Variants in AGBL1 observed in about 807,000 individuals in gnomAD.
AGBL1 encodes AGBL carboxypeptidase 1, also known as cytosolic carboxypeptidase 4.
In AGBL1, 130 loss-of-function variants were observed where a neutral mutation model predicts 118.9. The observed-to-expected ratio is 1.09, with a 90% CI of 0.95 to 1.26. AGBL1 has a LOEUF of 1.26. Among genes scored for constraint, AGBL1 ranks in the 50% most tolerant of loss-of-function variants. The pLI, the probability that AGBL1 is intolerant of heterozygous loss-of-function variation, is 0.00. For synonymous variants in AGBL1, 555 were observed against 478.9 expected, an observed-to-expected ratio of 1.16 and a Z score of -2.08; for missense variants, 1,584 against 1,298.1, an observed-to-expected ratio of 1.22 and a Z score of -3.38.
intron 22 of AGBL1, among the ~76,000 whole-genome samples, chr15:86,762,522 A>C (rs1034852181): frequency 6.6e-6 from 1 of 152,006 alleles, no homozygotes; most frequent in Non-Finnish European, 1.5e-5. Flanking sequence ...AAAATTAATC[A>C]TGGAGTTTTC....
downstream of AGBL1, among the ~76,000 whole-genome samples, chr15:87,030,068 G>T (rs1178219676): frequency 1.3e-5 from 2 of 151,892 alleles, no homozygotes; most frequent in African/African-American, 2.4e-5. Context: ...ACAATTAAAA[G>T]GTTGGATACT....
At chr15:86,432,062 C>A (rs1267747491) in intron 18 of AGBL1, among the ~76,000 whole-genome samples, 11 of 82,170 alleles carry the variant, frequency 1.3e-4, no homozygotes. Context: ...ACCCAGTTCC[C>A]AGGATCAGGT....
At chr15:86,570,527 C>T (rs940988065) in intron 21 of AGBL1, among the ~76,000 whole-genome samples, 1 of 152,152 alleles carries the variant, frequency 6.6e-6, no homozygotes, top group Non-Finnish European at 1.5e-5. Flanking sequence ...TATGATGCCA[C>T]CCATTTTTAC....
rs1375090965 is a variant in AGBL1 at position 87,002,521 on chromosome 15, T to A, written c.3323+14433T>A. On this transcript the variant is annotated intron_variant, in intron 24 of 24. Transcript: ENST00000441037. ...TTTTTCCAATTCTGTGAAGAAAGTC[T>A]TTGGTAGCTTGATGGGGATGGCACT... 5.8e-3 allele frequency among the ~76,000 whole-genome samples: 881 copies of A among 151,818 alleles called. 21 individuals carry two copies. Among genetic ancestry groups the A allele is most frequent in the Admixed American group, 0.039 (590 of 15,244 alleles).
rs540243676 is a variant in AGBL1, at chr15:87,019,021, C to A, written c.3324-9804C>A. Among the ~76,000 whole-genome samples, 571 of 151,686 alleles carry A rather than the reference C, an allele frequency of 3.8e-3. 2 individuals carry two copies. The highest frequency in any genetic ancestry group is 0.012 in the African/African-American group (512 of 41,132). On this transcript the variant is annotated intron_variant, in intron 24 of 24. Coordinates refer to the AGBL1 transcript ENST00000441037. ...AAACCAACAAAGATAAAAAAAAAGACAAAGAAGGGCATTACATAATGGTAA... is the reference window on the plus strand; with the variant it reads ...AAACCAACAAAGATAAAAAAAAAGAAAAAGAAGGGCATTACATAATGGTAA...
At chr15:86,596,585 TTC>T (rs1339367054) in intron 21 of AGBL1, among the ~76,000 whole-genome samples, 1 of 152,110 alleles carries the variant, frequency 6.6e-6, no homozygotes, top group Non-Finnish European at 1.5e-5. Flanking sequence ...CCTGGTGGAC[TTC>T]TCTCTCTTTT....
At chr15:86,116,009 A>G (rs1314572365) in intron 1 of AGBL1, among the ~76,000 whole-genome samples, 1 of 152,182 alleles carries the variant, frequency 6.6e-6, no homozygotes, top group African/African-American at 2.4e-5. Context: ...TTCCAACTAA[A>G]ATTCTCTTAT....
chr15:86,467,686 T>TC (rs2082424806), intron 18 of AGBL1, among the ~76,000 whole-genome samples: 1 of 152,190 alleles, frequency 6.6e-6, no homozygotes, highest in African/African-American at 2.4e-5. Flanking sequence ...GCACTGCCCC[T>TC]CATCACACAG....
intron 5 of AGBL1, among the ~76,000 whole-genome samples, chr15:86,186,325 G>A (rs183681585): frequency 1.3e-5 from 2 of 152,276 alleles, no homozygotes; most frequent in East Asian, 3.9e-4. Flanking sequence ...GTTTACCTGT[G>A]TAACAAACCT....
chr15:86,251,256 C>G (rs964912034), intron 7 of AGBL1, among the ~76,000 whole-genome samples: 1 of 152,190 alleles, frequency 6.6e-6, no homozygotes, highest in African/African-American at 2.4e-5. Context: ...ATCTGGTAGT[C>G]TCACCTGAGA....
chr15:86,826,468 A>G (rs1247170386), intron 22 of AGBL1, among the ~76,000 whole-genome samples: 1 of 152,146 alleles, frequency 6.6e-6, no homozygotes, highest in African/African-American at 2.4e-5. Context: ...GAATTTCCAG[A>G]AAACACTCCT....
intron 17 of AGBL1, among the ~76,000 whole-genome samples, chr15:86,378,700 A>G (rs78372883): frequency 6.8e-6 from 1 of 147,904 alleles, no homozygotes; most frequent in Non-Finnish European, 1.5e-5. Context: ...TATTATTATT[A>G]TACCCATTTC....
At chr15:86,895,775 T>G (rs1448230177) in intron 22 of AGBL1, among the ~76,000 whole-genome samples, 1 of 152,050 alleles carries the variant, frequency 6.6e-6, no homozygotes, top group Non-Finnish European at 1.5e-5. Flanking sequence ...TATGGAAAAT[T>G]TATTGTTGAT....
intron 22 of AGBL1, among the ~76,000 whole-genome samples, chr15:86,680,647 A>G (rs2085937950): frequency 6.9e-6 from 1 of 144,420 alleles, no homozygotes; most frequent in Non-Finnish European, 1.5e-5. Context: ...GCTCACTACA[A>G]CCTCTGCCTC....
chr15:86,348,555 G>A (rs867509232), intron 17 of AGBL1, among the ~76,000 whole-genome samples: 2 of 152,146 alleles, frequency 1.3e-5, no homozygotes, highest in African/African-American at 4.8e-5. Context: ...TGAGGCGGGC[G>A]GATCATGAGG....
chr15:86,562,189 A>G (rs964005931), intron 21 of AGBL1, among the ~76,000 whole-genome samples: 1 of 152,168 alleles, frequency 6.6e-6, no homozygotes, highest in African/African-American at 2.4e-5. Context: ...TTCCAACACT[A>G]TGTTGAATAG....
intron 22 of AGBL1, among the ~76,000 whole-genome samples, chr15:86,824,502 A>G (rs923929511): frequency 6.6e-6 from 1 of 152,114 alleles, no homozygotes; most frequent in African/African-American, 2.4e-5. Flanking sequence ...TAAAGATGAT[A>G]TTTATCTCCA....
chr15:86,330,308 T>C (rs1249267872), intron 17 of AGBL1, among the ~76,000 whole-genome samples: 2 of 152,224 alleles, frequency 1.3e-5, no homozygotes, highest in African/African-American at 4.8e-5. Context: ...TGAAACTGCA[T>C]GGCCCAATAT....
intron 18 of AGBL1, among the ~76,000 whole-genome samples, chr15:86,489,255 C>T (rs1276855064): frequency 6.6e-5 from 10 of 152,076 alleles, no homozygotes. Flanking sequence ...TTTATATTTG[C>T]AGGGTCTTGC....
Sources: allele counts gnomAD v4.1 joint callset (sites outside exome capture counted in the v4.1 genomes callset), GRCh38; gene constraint gnomAD v4.1.1; transcripts MANE v1.5; gene names NCBI Gene and HGNC (gene_info 2026-07-23, HGNC 2026-07-21).